PLA2G4A: variants seen among roughly 807,000 people sequenced by gnomAD.
The protein encoded by PLA2G4A is cytosolic phospholipase A2.
In PLA2G4A, 40 loss-of-function variants were observed where a neutral mutation model predicts 81.9. The ratio of observed to expected loss-of-function variants is 0.49; its 90% CI spans 0.38 to 0.64. The LOEUF is 0.64. PLA2G4A is among the 30% of genes least tolerant of loss of function. The pLI is 0.00. For synonymous variants in PLA2G4A, 302 were observed against 296.9 expected (o/e 1.02, Z -0.18); for missense variants, 715 against 905.1 (o/e 0.79, Z 2.69).
At chr1:186,949,178 C>T (rs534864869) in intron 12 of PLA2G4A, among the ~76,000 whole-genome samples, 1 of 151,684 alleles carries the variant, frequency 6.6e-6, no homozygotes, top group Admixed American at 6.6e-5. Context: ...CTATTCATAT[C>T]GTGAATTCTT....
intron 6 of PLA2G4A, among the ~76,000 whole-genome samples, chr1:186,908,299 T>G (rs1654813416): frequency 6.6e-6 from 1 of 152,070 alleles, no homozygotes; most frequent in African/African-American, 2.4e-5. Context: ...TTAAAACATC[T>G]AGGTCATTAT....
chr1:186,883,665 T>A (rs1653824232), intron 3 of PLA2G4A, among the ~76,000 whole-genome samples: 1 of 152,140 alleles, frequency 6.6e-6, no homozygotes. Flanking sequence ...TGGTGAAAGA[T>A]ATAGAGGAAC....
At position 186,983,899 on chromosome 1, in the gene PLA2G4A, G is replaced by A. The variant is rs897257476; in HGVS notation, c.2118+4427G>A. 2.0e-5 allele frequency among the ~76,000 whole-genome samples: 3 copies of A among 152,232 alleles called. 1 individual carries two copies. Among genetic ancestry groups the A allele is most frequent in the Non-Finnish European group, 1.5e-5 (1 of 68,016 alleles). On this transcript the variant is annotated intron_variant, in intron 17 of 17. Coordinates refer to ENST00000367466, the MANE Select transcript of PLA2G4A (RefSeq NM_024420.3). ...GCTTTCCTATTTTGTAAAGGGAAAC[G>A]ATGGTATATATCATGTAGGATCAGG...
rs145491100 is a variant in PLA2G4A at position 186,929,427 on chromosome 1, A to C, written c.559-3336A>C. On this transcript the variant is annotated intron_variant, in intron 7 of 17. Transcript: ENST00000367466. Reference sequence around the variant, plus strand: ...CCATTCTTTTTTATAGTTCATAGTTACAATTTTATAGTTTTATAATTCATG... The same window carrying C: ...CCATTCTTTTTTATAGTTCATAGTTCCAATTTTATAGTTTTATAATTCATG... 1.7e-3 allele frequency among the ~76,000 whole-genome samples: 262 copies of C among 152,326 alleles called. 3 individuals are homozygous for C. The highest frequency in any genetic ancestry group is 6.1e-3 in the African/African-American group (254 of 41,576).
At chr1:186,853,915 T>C (rs1407237439) in intron 1 of PLA2G4A, among the ~76,000 whole-genome samples, 2 of 151,914 alleles carry the variant, frequency 1.3e-5, no homozygotes, top group Non-Finnish European at 2.9e-5. Flanking sequence ...TTGCTGACCC[T>C]ACTGAGAAAA....
At chr1:186,857,790 C>A (rs1652644941) in intron 2 of PLA2G4A, among the ~76,000 whole-genome samples, 2 of 151,742 alleles carry the variant, frequency 1.3e-5, no homozygotes, top group South Asian at 4.1e-4. Context: ...GTGTGATGTT[C>A]CCCGCTCTGT....
intron 10 of PLA2G4A, among the ~76,000 whole-genome samples, chr1:186,940,939 A>G (rs764867487): frequency 6.6e-6 from 1 of 152,068 alleles, no homozygotes; most frequent in Non-Finnish European, 1.5e-5. Flanking sequence ...AAATCTCAGG[A>G]GTGAACACTT....
chr1:186,938,846 G>C (rs12720595), intron 8 of PLA2G4A, among the ~76,000 whole-genome samples, 162 bp from the exon 9 acceptor site: 3,202 of 152,242 alleles, frequency 0.021, 121 homozygotes, highest in African/African-American at 0.074. Flanking sequence ...GCTCCTGTCT[G>C]ATTGACACAT....
Position 186,988,557 on chromosome 1 carries a change from A to G in PLA2G4A, c.*49A>G, listed in dbSNP as rs1488826819. 3.9e-6 allele frequency: 6 copies of G among 1,546,540 alleles called. No individual in the cohort carries two copies. Among genetic ancestry groups the G allele is most frequent in the Middle Eastern group, 1.7e-4 (1 of 5,904 alleles). ...GTTTCTGATGCTGAGGCAGTTTGCAATCCCATGACAACTGGATTTAAAAGT... is the reference window on the plus strand; with the variant it reads ...GTTTCTGATGCTGAGGCAGTTTGCAGTCCCATGACAACTGGATTTAAAAGT... On this transcript the variant is annotated 3_prime_UTR_variant, in exon 18 of 18. Transcript: ENST00000367466.
intron 3 of PLA2G4A, among the ~76,000 whole-genome samples, chr1:186,884,251 T>TC (rs1558399154): frequency 6.7e-6 from 1 of 148,816 alleles, no homozygotes; most frequent in South Asian, 2.1e-4. Flanking sequence ...CATCTAATCC[T>TC]CCCCCTTTTT....
chr1:186,885,825 G>GA (rs1311024284), intron 3 of PLA2G4A, among the ~76,000 whole-genome samples: 3 of 151,912 alleles, frequency 2.0e-5, no homozygotes, highest in Non-Finnish European at 4.4e-5. Context: ...TTACTGAACT[G>GA]AAAAATAAGT....
In PLA2G4A at chr1:186,939,095, C is replaced by T; in HGVS notation, c.783C>T (p.His261=). ...AAGAACTAATGAAAAATGTTAGCCA[C>T]AATCCCCTTTTACTTCTCACACCAC... ...INEELMKNVS[H]NPLLLLTPQK... The change falls in exon 9 of 18, where the codon CAC becomes CAT. Residue 261 remains histidine, a synonymous_variant. Coordinates refer to ENST00000367466, the MANE Select transcript of PLA2G4A (RefSeq NM_024420.3). The T allele has an allele frequency of 6.2e-7, 1 of 1,609,566 alleles. No homozygotes were observed. The highest frequency in any genetic ancestry group is 8.5e-7 in the Non-Finnish European group (1 of 1,176,014).
At chr1:186,920,753 A>T (rs4651336) in intron 7 of PLA2G4A, among the ~76,000 whole-genome samples, 85,879 of 152,110 alleles carry the variant, frequency 0.56, 25,873 homozygotes, top group African/African-American at 0.78. Flanking sequence ...ATTCCCCTAA[A>T]GGCCGTGGCC....
intron 6 of PLA2G4A, among the ~76,000 whole-genome samples, chr1:186,908,169 GAATT>G (rs1253985268): frequency 6.6e-6 from 1 of 151,810 alleles, no homozygotes; most frequent in Non-Finnish European, 1.5e-5. Flanking sequence ...AAGCAAGAAA[GAATT>G]AATTAGAAAG....
At chr1:186,892,262 T>G (rs923957230) in intron 3 of PLA2G4A, among the ~76,000 whole-genome samples, 1 of 152,144 alleles carries the variant, frequency 6.6e-6, no homozygotes, top group Non-Finnish European at 1.5e-5. Flanking sequence ...TTGTTGATTT[T>G]TTTTCCTTTG....
At chr1:186,928,721 A>G (rs1655637122) in intron 7 of PLA2G4A, among the ~76,000 whole-genome samples, 1 of 152,222 alleles carries the variant, frequency 6.6e-6, no homozygotes, top group African/African-American at 2.4e-5. Flanking sequence ...ATTCTTGAAT[A>G]CTTCAGAATT....
intron 3 of PLA2G4A, among the ~76,000 whole-genome samples, chr1:186,877,344 A>G (rs936694998): frequency 5.3e-5 from 8 of 152,200 alleles, no homozygotes; most frequent in African/African-American, 1.7e-4. Context: ...GTGACCCATT[A>G]TTATCACAAT....
At chr1:186,928,318 A>G (rs866305720) in intron 7 of PLA2G4A, among the ~76,000 whole-genome samples, 3 of 152,300 alleles carry the variant, frequency 2.0e-5, no homozygotes, top group Admixed American at 6.5e-5. Context: ...GGAGAAGCAT[A>G]TAAGACCAAG....
Position 186,977,703 on chromosome 1 carries a change from C to G in PLA2G4A, c.1875C>G (p.Pro625=), listed in dbSNP as rs911076078. The change falls in exon 16 of 18, where the codon CCC becomes CCG. Residue 625 remains proline, a synonymous_variant. Transcript: ENST00000367466. ...EGLKECYVFK[P]KNPDMEKDCP... is the part of the protein sequence containing the mutation. ...TGAAGGAGTGCTATGTCTTTAAACC[C>G]AAGAATCCTGATATGGAGAAAGATT... 6 of 1,613,280 alleles carry G rather than the reference C, an allele frequency of 3.7e-6. No individual in the cohort carries two copies. In the Admixed American group the frequency reaches 5.0e-5, roughly 13 times the overall value.
Sources: gnomAD v4.1 joint callset for allele counts (sites outside exome capture counted in the v4.1 genomes callset) on GRCh38, gnomAD v4.1.1 for gene constraint, MANE v1.5 for transcripts, NCBI Gene and HGNC (gene_info 2026-07-23, HGNC 2026-07-21) for gene names.